The following ZNF521 variants were observed in gnomAD, a reference collection of about 807,000 sequenced individuals.
The protein encoded by ZNF521 is zinc finger protein 521.
In ZNF521, 14 loss-of-function variants were observed where a neutral mutation model predicts 105.5. The ratio of observed to expected loss-of-function variants is 0.13; its 90% CI spans 0.09 to 0.21. The LOEUF (loss-of-function observed/expected upper bound fraction) is 0.21, where lower values mean the gene tolerates loss of function less well. ZNF521 is among the 10% of genes least tolerant of loss of function. The pLI is 1.00. For missense variants in ZNF521, 1,233 were observed against 1,629.7 expected (o/e 0.76, Z 4.19); for synonymous variants, 635 against 606.0 (o/e 1.05, Z -0.70).
chr18:25,177,833 C>T (rs544291621), intron 5 of ZNF521, among the ~76,000 whole-genome samples: 29 of 152,310 alleles, frequency 1.9e-4, no homozygotes, highest in African/African-American at 7.0e-4. Context: ...CACATCCAGA[C>T]CCAGATGGCA....
At chr18:25,117,892 G>A (rs879507585) in intron 5 of ZNF521, among the ~76,000 whole-genome samples, 20 of 151,892 alleles carry the variant, frequency 1.3e-4, no homozygotes, top group Admixed American at 1.0e-3. Context: ...CATGAATCTC[G>A]CAAACTCCAA....
Position 25,331,903 on chromosome 18 carries a change from TTTTTTA to T in ZNF521, c.41-9722_41-9717del, listed in dbSNP as rs1169143854. ...TGGACTTGCTTTTTTCTTTTTTTTT[TTTTTTA>T]AATTTAGGAAATTCCTCTCCTTAAC... On this transcript the variant is annotated intron_variant, in intron 2 of 7. Transcript: ENST00000361524. Among the ~76,000 whole-genome samples the T allele has an allele frequency of 9.0e-4, 136 of 150,652 alleles. 1 individual carries two copies. The highest frequency in any genetic ancestry group is 3.0e-3 in the African/African-American group (122 of 41,236).
Position 25,292,175 on chromosome 18 carries a change from A to G in ZNF521, c.220+29833T>C, listed in dbSNP as rs532348648. Among the ~76,000 whole-genome samples, 27 of 152,284 alleles carry G rather than the reference A, an allele frequency of 1.8e-4. 1 individual carries two copies. The East Asian group carries it at 5.2e-3, about 29-fold the overall frequency. The stretch of plus-strand genomic sequence containing the variant: ...AAGTCAAATGAGCATGTCTACCAAC[A>G]CTTACACATGTCACCTGCCAGTTTC... On this transcript the variant is annotated intron_variant, in intron 3 of 7. Coordinates refer to ENST00000361524, the MANE Select transcript of ZNF521 (RefSeq NM_015461.3).
rs755337049 is a variant in ZNF521, at chr18:25,062,670, T to A, written c.*42A>T. 1 of 1,586,608 alleles carries A rather than the reference T, an allele frequency of 6.3e-7. No individual in the cohort carries two copies. The highest frequency in any genetic ancestry group is 1.9e-5 in the Admixed American group (1 of 54,030). Reference sequence around the variant, plus strand: ...GCAAAGAGTAAAACATGTTCCCTTTTTGTGCCACAAAATCAATTCTCCTTG... The same window carrying A: ...GCAAAGAGTAAAACATGTTCCCTTTATGTGCCACAAAATCAATTCTCCTTG... On this transcript the variant is annotated 3_prime_UTR_variant, in exon 8 of 8. Transcript: ENST00000361524.
chr18:25,140,676 C>T lies in ZNF521; in HGVS notation c.3659-48595G>A, dbSNP rs552291640. On this transcript the variant is annotated intron_variant, in intron 5 of 7. Coordinates refer to ENST00000361524, the MANE Select transcript of ZNF521 (RefSeq NM_015461.3). ...GAGACAGAGGGGAGAAGGCCAGTGC[C>T]GTTTTGATAAGAATGACAAATGATT... Among the ~76,000 whole-genome samples, 53 of 152,198 alleles carry T rather than the reference C, an allele frequency of 3.5e-4. No individual in the cohort carries two copies. The South Asian group carries it at 0.011, about 32-fold the overall frequency.
At chr18:25,093,498 A>G (rs1029618375) in intron 5 of ZNF521, among the ~76,000 whole-genome samples, 1 of 152,188 alleles carries the variant, frequency 6.6e-6, no homozygotes, top group African/African-American at 2.4e-5. Flanking sequence ...CTGCCAGCTG[A>G]TATTACTGGT....
At chr18:25,319,138 T>C (rs1568076018) in intron 3 of ZNF521, among the ~76,000 whole-genome samples, 1 of 152,106 alleles carries the variant, frequency 6.6e-6, no homozygotes, top group Non-Finnish European at 1.5e-5. Context: ...TCTATGGCAA[T>C]CTGGGTATCA....
intron 2 of ZNF521, among the ~76,000 whole-genome samples, chr18:25,347,048 C>G (rs1299156181): frequency 6.6e-6 from 1 of 152,126 alleles, no homozygotes; most frequent in Non-Finnish European, 1.5e-5. Flanking sequence ...AAACTTCCAT[C>G]AGAGAGGCAC....
intron 2 of ZNF521, among the ~76,000 whole-genome samples, chr18:25,350,121 C>T (rs1914662563): frequency 6.6e-6 from 1 of 152,180 alleles, no homozygotes; most frequent in Non-Finnish European, 1.5e-5. Context: ...GGACCCCCGC[C>T]CCCGCCGCAG....
intron 2 of ZNF521, chr18:25,345,333 G>A (rs927715951): frequency 5.3e-5 from 8 of 152,176 alleles, no homozygotes; most frequent in Non-Finnish European, 8.8e-5. Flanking sequence ...GGTTTTTAAA[G>A]GATATGGAAA....
At chr18:25,308,170 C>T (rs1211054441) in intron 3 of ZNF521, among the ~76,000 whole-genome samples, 1 of 141,664 alleles carries the variant, frequency 7.1e-6, no homozygotes, top group Non-Finnish European at 1.5e-5. Flanking sequence ...CCATTGCACT[C>T]CAGCCTGGGC....
Position 25,062,755 on chromosome 18 carries a change from A to AAAAAAAG in ZNF521, c.3907-15_3907-14insCTTTTTT. 1.6e-6 allele frequency: 1 copy of AAAAAAAG among 636,196 alleles called. No individual in the cohort carries two copies. The highest frequency in any genetic ancestry group is 1.9e-6 in the Non-Finnish European group (1 of 527,922). The allele number at this position is 636,196 out of a possible 1,614,324, so 39.4% of individuals were successfully genotyped here. ...CATTGTATGATTCTGTAAATAACAA[A>AAAAAAAG]AAAAAAAAAAAAAAAAAAAAAAAAA... On this transcript the variant is annotated splice_polypyrimidine_tract_variant and intron_variant, in intron 7 of 7. Coordinates refer to ENST00000361524, the MANE Select transcript of ZNF521 (RefSeq NM_015461.3).
chr18:25,233,475 G>T (rs530886974), intron 3 of ZNF521, among the ~76,000 whole-genome samples: 2 of 152,262 alleles, frequency 1.3e-5, no homozygotes, highest in African/African-American at 4.8e-5. Context: ...ATAATTCACA[G>T]ATGCTTTTAA....
At chr18:25,275,757 C>A (rs1369082528) in intron 3 of ZNF521, among the ~76,000 whole-genome samples, 1 of 152,186 alleles carries the variant, frequency 6.6e-6, no homozygotes, top group Non-Finnish European at 1.5e-5. Flanking sequence ...CAGGGCTAGA[C>A]TGACCAGGAT....
chr18:25,298,076 T>C (rs556766437), intron 3 of ZNF521, among the ~76,000 whole-genome samples: 2 of 152,334 alleles, frequency 1.3e-5, no homozygotes, highest in East Asian at 1.9e-4. Context: ...GTTGGTTATA[T>C]AGATTCTTTT....
At chr18:25,212,673 T>C (rs952472077) in intron 4 of ZNF521, among the ~76,000 whole-genome samples, 1 of 150,176 alleles carries the variant, frequency 6.7e-6, no homozygotes, top group Non-Finnish European at 1.5e-5. Context: ...TGAGTCTTCC[T>C]ATAACTTCCA....
chr18:25,090,065 G>A (rs542015133), intron 6 of ZNF521, among the ~76,000 whole-genome samples: 2 of 152,100 alleles, frequency 1.3e-5, no homozygotes, highest in South Asian at 2.1e-4. Context: ...GAAACAGAAC[G>A]GCAGGTAAAT....
intron 7 of ZNF521, among the ~76,000 whole-genome samples, chr18:25,081,490 C>G (rs1474956822): frequency 6.6e-6 from 1 of 152,188 alleles, no homozygotes; most frequent in Admixed American, 6.5e-5. Flanking sequence ...GCCCTTACTT[C>G]AGTCATATTA....
intron 3 of ZNF521, among the ~76,000 whole-genome samples, chr18:25,228,680 G>A (rs1169779208): frequency 6.6e-6 from 1 of 152,188 alleles, no homozygotes; most frequent in Admixed American, 6.5e-5. Flanking sequence ...AGATTTATGA[G>A]TGACAAAAAG....
Sources: gnomAD v4.1 joint callset for allele counts (sites outside exome capture counted in the v4.1 genomes callset) on GRCh38, gnomAD v4.1.1 for gene constraint, MANE v1.5 for transcripts, NCBI Gene and HGNC (gene_info 2026-07-23, HGNC 2026-07-21) for gene names.